The following TG variants were observed in gnomAD, a reference collection of about 807,000 sequenced individuals.
TG encodes the protein thyroid hormones.
A neutral mutation model predicts 324.7 loss-of-function variants in TG; 270 were observed. The ratio of observed to expected loss-of-function variants is 0.83; its 90% CI spans 0.75 to 0.92. The LOEUF is 0.92. Among genes scored for constraint, TG ranks in the 40% least tolerant of loss-of-function variants. The pLI, the probability that TG is intolerant of heterozygous loss-of-function variation, is 0.00. For missense variants in TG, 3,591 were observed against 3,456.4 expected (o/e 1.04, Z -0.98); for synonymous variants, 1,401 against 1,327.0 (o/e 1.06, Z -1.21).
In TG at chr8:133,131,786, C is replaced by T. The variant is rs373082359; in HGVS notation, c.7863-26C>T. ...TAGTTTACTTTCTCTTGACCTTTTGCTGCTGCTTTTCCTCTGTTTTCTCAG... is the reference window on the plus strand; with the variant it reads ...TAGTTTACTTTCTCTTGACCTTTTGTTGCTGCTTTTCCTCTGTTTTCTCAG... On this transcript the variant is annotated intron_variant, in intron 45 of 47. Coordinates refer to ENST00000220616, the MANE Select transcript of TG (RefSeq NM_003235.5). 11 of 1,613,712 alleles carry T rather than the reference C, an allele frequency of 6.8e-6. No individual in the cohort carries two copies. The African/African-American group carries it at 1.5e-4, about 22-fold the overall frequency.
chr8:132,900,291 C>T lies in TG; in HGVS notation c.3385C>T (p.Pro1129Ser). Reference protein sequence around the residue: ...ASGAGTWCVDPASGEELRPGS... With the variant: ...ASGAGTWCVDSASGEELRPGS... ...GGGGGCTGGCACCTGGTGTGTGGAC[C>T]CTGCATCAGGAGAAGAGTTGCGGCC... is the stretch of plus-strand genomic sequence containing the variant. The change falls in exon 15 of 48, where the codon CCT becomes TCT. Residue 1129 changes from proline to serine, a missense_variant. Transcript: ENST00000220616. 1.2e-6 allele frequency: 2 copies of T among 1,614,032 alleles called. No individual in the cohort carries two copies. Among genetic ancestry groups the T allele is most frequent in the Non-Finnish European group, 1.7e-6 (2 of 1,179,986 alleles).
intron 11 of TG, among the ~76,000 whole-genome samples, chr8:132,894,700 A>G (rs1816853847): frequency 6.6e-6 from 1 of 152,182 alleles, no homozygotes; most frequent in South Asian, 2.1e-4. Context: ...ACTTCAAGTG[A>G]TCTGTCTGCC....
Position 132,897,682 on chromosome 8 carries a change from C to G in TG, c.3035C>G (p.Pro1012Arg), listed in dbSNP as rs115936153. The change falls in exon 12 of 48, where the codon CCG becomes CGG. Residue 1012 changes from proline to arginine, a missense_variant. Physicochemically the swap from Pro to Arg is moderately radical, Grantham distance 103. Coordinates refer to ENST00000220616, the MANE Select transcript of TG (RefSeq NM_003235.5). ...TTCTATCAGAGACGCCGCTTTTCCC[C>G]GGACGACTCGGCTGGAGCATCCGCC... is the stretch of plus-strand genomic sequence containing the variant. ...LSFYQRRRFSPDDSAGASALL... is the reference protein window; with the variant it reads ...LSFYQRRRFSRDDSAGASALL... 6.2e-7 allele frequency: 1 copy of G among 1,614,094 alleles called. No homozygotes were observed. The highest frequency in any genetic ancestry group is 2.2e-5 in the East Asian group (1 of 44,888).
At chr8:132,951,410 C>T (rs1563995135) in intron 27 of TG, among the ~76,000 whole-genome samples, 3 of 152,146 alleles carry the variant, frequency 2.0e-5, no homozygotes, top group South Asian at 4.1e-4. Context: ...ATATGGTATT[C>T]ATTACTCCAA....
Position 133,011,054 on chromosome 8 carries a change from A to G in TG, c.6263-847A>G, listed in dbSNP as rs2130883238. Among the ~76,000 whole-genome samples the G allele has an allele frequency of 3.3e-5, 5 of 152,324 alleles. 1 individual carries two copies. The South Asian group carries it at 1.0e-3, about 32-fold the overall frequency. On this transcript the variant is annotated intron_variant, in intron 35 of 47. Transcript: ENST00000220616. ...GGTTTTCCGAGAAGCAGACTCTCAGATGGAGATTTGCATGCAAGAAGCTTG... is the reference window on the plus strand; with the variant it reads ...GGTTTTCCGAGAAGCAGACTCTCAGGTGGAGATTTGCATGCAAGAAGCTTG...
intron 41 of TG, among the ~76,000 whole-genome samples, chr8:133,054,346 G>A (rs1840957623): frequency 1.3e-5 from 2 of 152,126 alleles, no homozygotes; most frequent in Admixed American, 6.5e-5. Context: ...GAGAATTTTC[G>A]GGAAAGAGAA....
chr8:132,888,545 C>A lies in TG; in HGVS notation c.2738C>A (p.Ser913Tyr). The change falls in exon 10 of 48, where the codon TCT becomes TAT. Residue 913 changes from serine to tyrosine, a missense_variant. Coordinates refer to ENST00000220616, the MANE Select transcript of TG (RefSeq NM_003235.5). ...GGCCAAGAACTGGAAGGAATGCGGT[C>A]TGAGCCAAGCAAGCTCCCAACATGT... Reference protein sequence around the residue: ...EAGQELEGMRSEPSKLPTCPG... With the variant: ...EAGQELEGMRYEPSKLPTCPG... 6.2e-7 allele frequency: 1 copy of A among 1,611,640 alleles called. No individual in the cohort carries two copies. Among genetic ancestry groups the A allele is most frequent in the South Asian group, 1.1e-5 (1 of 90,666 alleles).
intron 41 of TG, among the ~76,000 whole-genome samples, chr8:133,070,298 G>T (rs780015837): frequency 6.6e-6 from 1 of 152,162 alleles, no homozygotes; most frequent in Non-Finnish European, 1.5e-5. Context: ...GACACCACTG[G>T]AGCGAACCGA....
intron 34 of TG, among the ~76,000 whole-genome samples, chr8:132,980,475 C>CT (rs1397770947): frequency 7.2e-5 from 11 of 152,106 alleles, no homozygotes; most frequent in African/African-American, 2.7e-4. Context: ...CCCTCTTGTC[C>CT]TATGCACCCC....
intron 41 of TG, among the ~76,000 whole-genome samples, chr8:133,042,577 T>C (rs1838461984): frequency 1.3e-5 from 2 of 151,220 alleles, no homozygotes; most frequent in Non-Finnish European, 2.9e-5. Flanking sequence ...GCTTCCAAGA[T>C]GCCAAGTAAT....
chr8:132,985,296 G>A (rs1831382678), intron 35 of TG, among the ~76,000 whole-genome samples: 1 of 152,214 alleles, frequency 6.6e-6, no homozygotes, highest in Admixed American at 6.5e-5. Flanking sequence ...CAGAGAATGT[G>A]TGTGAGTTAT....
chr8:133,043,070 T>C (rs1838618961), intron 41 of TG, among the ~76,000 whole-genome samples: 1 of 152,136 alleles, frequency 6.6e-6, no homozygotes, highest in Non-Finnish European at 1.5e-5. Context: ...TCAAGGGGCA[T>C]AGGAAACAGT....
chr8:132,962,674 G>A (rs192206654), intron 28 of TG, among the ~76,000 whole-genome samples: 4 of 152,284 alleles, frequency 2.6e-5, no homozygotes, highest in African/African-American at 9.6e-5. Context: ...TTTCTCAAGA[G>A]TAAAATGGAA....
chr8:132,933,697 G>A, intron 24 of TG, 21 bp downstream of exon 24: 1 of 1,604,698 alleles, frequency 6.2e-7, no homozygotes, highest in Non-Finnish European at 8.5e-7. Context: ...GCAGCCACGT[G>A]TGGTTCTGCT....
intron 33 of TG, chr8:132,972,216 T>C: frequency 2.2e-6 from 1 of 450,250 alleles, no homozygotes; most frequent in Non-Finnish European, 4.1e-6. Context: ...TTGATTCCCT[T>C]ACTAGTGTGT....
At chr8:133,045,190 C>A (rs774065468) in intron 41 of TG, 120 of 1,549,048 alleles carry the variant, frequency 7.7e-5, no homozygotes, top group Non-Finnish European at 1.0e-4. Flanking sequence ...CAGCCCACCA[C>A]CACTGAGGCA....
intron 27 of TG, among the ~76,000 whole-genome samples, chr8:132,954,448 A>G (rs1311658381): frequency 6.6e-6 from 1 of 152,236 alleles, no homozygotes; most frequent in Non-Finnish European, 1.5e-5. Context: ...CAGAGAAGAC[A>G]CAACAGCCAA....
Position 132,966,630 on chromosome 8 carries a change from C to T in TG, c.5619C>T (p.Ser1873=). Residue 1873 remains serine (S), a synonymous_variant, in exon 30 of 48, where the codon TCC becomes TCT. Transcript: ENST00000220616. The part of the protein sequence containing the change: ...QVIVNGNQSL[S]SQKHWLFKHL... ...TTGTCAATGGAAATCAATCACTATCCAGCCAGAAGCACTGGCTTTTCAAGC... is the reference window on the plus strand; with the variant it reads ...TTGTCAATGGAAATCAATCACTATCTAGCCAGAAGCACTGGCTTTTCAAGC... The T allele has an allele frequency of 6.2e-7, 1 of 1,614,110 alleles. No individual in the cohort carries two copies.
intron 41 of TG, among the ~76,000 whole-genome samples, chr8:133,042,129 A>C (rs1317895731): frequency 7.9e-5 from 12 of 152,140 alleles, no homozygotes. Context: ...AAAACTGAGC[A>C]TCCCGAGATG....
Sources: gnomAD v4.1 joint callset for allele counts (sites outside exome capture counted in the v4.1 genomes callset) on GRCh38, gnomAD v4.1.1 for gene constraint, MANE v1.5 for transcripts, NCBI Gene and HGNC (gene_info 2026-07-23, HGNC 2026-07-21) for gene names.